The following ASCC3 variants were observed in gnomAD, a reference collection of about 807,000 sequenced individuals.
The protein encoded by ASCC3 is activating signal cointegrator 1 complex subunit 3, also known as ASC-1 complex subunit P200.
A neutral mutation model predicts 256.3 loss-of-function variants in ASCC3; 158 were observed. The observed-to-expected ratio is 0.62, with a 90% CI of 0.54 to 0.70. The LOEUF is 0.70. ASCC3 is among the 30% of genes least tolerant of loss of function. The probability of loss-of-function intolerance (pLI) is 0.00; values close to 1 mark genes in which losing one functional copy is unlikely to be tolerated. For synonymous variants in ASCC3, 948 were observed against 883.4 expected (o/e 1.07, Z -1.30); for missense variants, 2,259 against 2,626.0 (o/e 0.86, Z 3.05).
intron 10 of ASCC3, among the ~76,000 whole-genome samples, chr6:100,728,280 G>C (rs1310148440): frequency 6.6e-6 from 1 of 152,026 alleles, no homozygotes; most frequent in Non-Finnish European, 1.5e-5. Context: ...GATAGACAGA[G>C]AGAAGTGACA....
At position 100,650,849 on chromosome 6, in the gene ASCC3, A is replaced by G. The variant is rs142522816; in HGVS notation, c.3076-135T>C. ...CAGCATTTTTCTTTCATAGAGTTAA[A>G]TAACAATGATTTTTCCATAGGTAGC... On this transcript the variant is annotated intron_variant, in intron 19 of 41. Coordinates refer to ENST00000369162, the MANE Select transcript of ASCC3 (RefSeq NM_006828.4). 32 of 730,098 alleles carry G rather than the reference A, an allele frequency of 4.4e-5. 1 individual carries two copies. The African/African-American group carries it at 5.0e-4, about 11-fold the overall frequency. The allele number at this position is 730,098 out of a possible 1,614,324, so 45.2% of individuals were successfully genotyped here. A position where few individuals can be genotyped will look rare whatever the true frequency, so the allele number is the denominator to read the frequency against.
intron 10 of ASCC3, among the ~76,000 whole-genome samples, chr6:100,753,239 T>G (rs187039330): frequency 1.8e-3 from 270 of 151,826 alleles, no homozygotes; most frequent in African/African-American, 6.3e-3. Context: ...AGGTAACAAT[T>G]CTAATTAATA....
chr6:100,805,676 T>C (rs567566207), intron 5 of ASCC3, 84 bp downstream of exon 5: 1 of 1,480,826 alleles, frequency 6.8e-7, no homozygotes, highest in African/African-American at 1.4e-5. Flanking sequence ...CCAAAACATA[T>C]TTTAAAATGT....
intron 2 of ASCC3, among the ~76,000 whole-genome samples, chr6:100,865,413 C>G (rs984057665): frequency 3.3e-5 from 5 of 152,102 alleles, no homozygotes; most frequent in African/African-American, 1.2e-4. Flanking sequence ...TACAGAGTAA[C>G]TTGCAAAGGG....
chr6:100,547,803 G>C (rs1769057813), intron 36 of ASCC3, among the ~76,000 whole-genome samples: 1 of 151,626 alleles, frequency 6.6e-6, no homozygotes, highest in South Asian at 2.1e-4. Flanking sequence ...TTACCCAAGA[G>C]AAAAGAAGGT....
rs541642715 is a variant in ASCC3 at position 100,872,857 on chromosome 6, A to G, written c.-41-4819T>C. On this transcript the variant is annotated intron_variant, in intron 1 of 41. Transcript: ENST00000369162. Reference sequence around the variant, plus strand: ...AAAGGGGGAGAATATCATCAAGGGAACACCCCGTGGGACAAAATAATCTGA... The same window carrying G: ...AAAGGGGGAGAATATCATCAAGGGAGCACCCCGTGGGACAAAATAATCTGA... Among the ~76,000 whole-genome samples the G allele has an allele frequency of 5.8e-4, 89 of 152,248 alleles. 1 individual carries two copies. The Middle Eastern group carries it at 0.017, about 29-fold the overall frequency.
At chr6:100,805,991 C>G in intron 4 of ASCC3, 111 bp from the exon 5 acceptor site, 2 of 1,030,140 alleles carry the variant, frequency 1.9e-6, no homozygotes, top group South Asian at 1.6e-5. Flanking sequence ...TATAGAAATA[C>G]TCAAAAAATT....
chr6:100,529,266 G>A (rs1422137022), intron 37 of ASCC3, among the ~76,000 whole-genome samples: 1 of 152,036 alleles, frequency 6.6e-6, no homozygotes, highest in African/African-American at 2.4e-5. Context: ...TTCTCCCTAT[G>A]GATCAACAAT....
chr6:100,699,905 G>T (rs1778273534), intron 13 of ASCC3, among the ~76,000 whole-genome samples: 1 of 152,176 alleles, frequency 6.6e-6, no homozygotes. Flanking sequence ...CATTCGAGAA[G>T]TAACTTGGGT....
chr6:100,814,497 G>C (rs1770646075), intron 4 of ASCC3, among the ~76,000 whole-genome samples: 2 of 152,060 alleles, frequency 1.3e-5, no homozygotes, highest in Admixed American at 6.6e-5. Context: ...CATTTTCTTG[G>C]AATGGTTTCA....
intron 37 of ASCC3, among the ~76,000 whole-genome samples, chr6:100,528,503 T>C (rs1391364704): frequency 2.0e-5 from 3 of 152,216 alleles, no homozygotes; most frequent in East Asian, 1.9e-4. Context: ...GTGACATTAA[T>C]TGGAGTCTAC....
intron 1 of ASCC3, among the ~76,000 whole-genome samples, chr6:100,870,942 C>T (rs891042640): frequency 2.6e-5 from 4 of 152,178 alleles, no homozygotes; most frequent in Non-Finnish European, 5.9e-5. Flanking sequence ...TGAGCCCTAC[C>T]ACCTTACTCT....
Position 100,799,493 on chromosome 6 carries a change from GA to G in ASCC3, c.1206del (p.His404MetfsTer10). On this transcript the variant is annotated frameshift_variant, in exon 7 of 42. Coordinates refer to ENST00000369162, the MANE Select transcript of ASCC3 (RefSeq NM_006828.4). LOFTEE classifies it high-confidence loss of function. Reference protein sequence around the residue: ...QRDADVEKIHYPHVYDSQAEA... With the variant: ...QRDADVEKIHXPHVYDSQAEA... ...TCAGCCTGGGAATCATACACATGGG[GA>G]TAATGTATTTTTTCAACGTCTGCAT... The G allele has an allele frequency of 6.2e-7, 1 of 1,613,126 alleles. No individual in the cohort carries two copies. Among genetic ancestry groups the G allele is most frequent in the Non-Finnish European group, 8.5e-7 (1 of 1,179,482 alleles).
At chr6:100,521,758 C>G (rs1039550264) in intron 37 of ASCC3, among the ~76,000 whole-genome samples, 2 of 152,194 alleles carry the variant, frequency 1.3e-5, no homozygotes, top group Non-Finnish European at 2.9e-5. Flanking sequence ...TTCAGAGATC[C>G]AAACCTGATA....
chr6:100,695,067 C>T (rs780077363), intron 13 of ASCC3, among the ~76,000 whole-genome samples: 5 of 152,164 alleles, frequency 3.3e-5, no homozygotes, highest in African/African-American at 4.8e-5. Flanking sequence ...GTGTCAAGTA[C>T]TAAGACATAA....
intron 13 of ASCC3, among the ~76,000 whole-genome samples, chr6:100,682,277 T>C (rs1777346001): frequency 6.6e-6 from 1 of 152,130 alleles, no homozygotes; most frequent in Non-Finnish European, 1.5e-5. Flanking sequence ...CAAGTCCTGA[T>C]AAAACTGCCA....
chr6:100,771,540 TA>T (rs1313569098), intron 8 of ASCC3, among the ~76,000 whole-genome samples: 1 of 151,790 alleles, frequency 6.6e-6, no homozygotes, highest in African/African-American at 2.4e-5. Flanking sequence ...ATACGTAGAA[TA>T]AAAAAACTCA....
chr6:100,793,216 A>G (rs1418011231), intron 8 of ASCC3, among the ~76,000 whole-genome samples: 1 of 152,034 alleles, frequency 6.6e-6, no homozygotes, highest in African/African-American at 2.4e-5. Context: ...AGAAGTTATA[A>G]AGAAGTGTGA....
At chr6:100,789,846 A>G (rs1305824759) in intron 8 of ASCC3, among the ~76,000 whole-genome samples, 1 of 151,988 alleles carries the variant, frequency 6.6e-6, no homozygotes, top group African/African-American at 2.4e-5. Flanking sequence ...TCCCTGGTAC[A>G]TTTAAAATTT....
Sources: allele counts gnomAD v4.1 joint callset (sites outside exome capture counted in the v4.1 genomes callset), GRCh38; gene constraint gnomAD v4.1.1; transcripts MANE v1.5; gene names NCBI Gene and HGNC (gene_info 2026-07-23, HGNC 2026-07-21).